The following SDK1 variants were observed in gnomAD, a reference collection of about 807,000 sequenced individuals.
The protein encoded by SDK1 is protein sidekick-1.
SDK1 carries 157 observed loss-of-function variants against 245.5 expected under a neutral mutation model. That is an observed-to-expected ratio of 0.64 (90% CI 0.56 to 0.73). The LOEUF is 0.73. Ranked by LOEUF, SDK1 falls within the 30% of genes least tolerant of loss-of-function variation. The pLI is 0.00. For missense variants in SDK1, 3,583 were observed against 3,002.3 expected (o/e 1.19, Z -4.52); for synonymous variants, 1,647 against 1,278.5 (o/e 1.29, Z -6.15).
At chr7:3,918,492 C>T (rs1002990596) in intron 5 of SDK1, among the ~76,000 whole-genome samples, 5 of 152,200 alleles carry the variant, frequency 3.3e-5, no homozygotes, top group Non-Finnish European at 7.3e-5. Context: ...TGTCTCCCAT[C>T]ACCCCCGGAT....
chr7:3,464,863 A>G (rs1268972333), intron 1 of SDK1, among the ~76,000 whole-genome samples: 1 of 152,162 alleles, frequency 6.6e-6, no homozygotes, highest in Non-Finnish European at 1.5e-5. Context: ...CAATGATATT[A>G]CATGTTAAAT....
intron 7 of SDK1, among the ~76,000 whole-genome samples, chr7:3,952,355 G>T (rs1054565695): frequency 1.3e-5 from 2 of 152,168 alleles, no homozygotes; most frequent in Non-Finnish European, 2.9e-5. Context: ...AAGGTGGGCG[G>T]ATCACTTGAG....
intron 10 of SDK1, among the ~76,000 whole-genome samples, chr7:3,968,848 C>A (rs866620346): frequency 2.0e-5 from 3 of 152,176 alleles, no homozygotes; most frequent in African/African-American, 7.2e-5. Context: ...CTGATATAAA[C>A]ACATACCTGA....
intron 4 of SDK1, among the ~76,000 whole-genome samples, chr7:3,750,660 A>C (rs1370749248): frequency 6.6e-6 from 1 of 152,250 alleles, no homozygotes; most frequent in Non-Finnish European, 1.5e-5. Context: ...GACTGAACTG[A>C]TTTAACTGAG....
chr7:3,576,420 C>T (rs568365909), intron 1 of SDK1, among the ~76,000 whole-genome samples: 1 of 152,170 alleles, frequency 6.6e-6, no homozygotes, highest in Admixed American at 6.5e-5. Flanking sequence ...GTGACTTCCT[C>T]AGGGGAGTCG....
intron 3 of SDK1, among the ~76,000 whole-genome samples, chr7:3,641,280 T>G (rs1165066631): frequency 1.3e-5 from 2 of 152,192 alleles, no homozygotes; most frequent in Non-Finnish European, 2.9e-5. Flanking sequence ...TATTCAAAAT[T>G]TTCAAATGTT....
chr7:3,994,641 C>CAAA (rs58677753), intron 14 of SDK1, among the ~76,000 whole-genome samples: 1 of 89,032 alleles, frequency 1.1e-5, no homozygotes, highest in African/African-American at 3.3e-5. Flanking sequence ...GACTTCATCT[C>CAAA]AAAAAAAAAA....
At chr7:4,031,380 G>A (rs1338299078) in intron 17 of SDK1, among the ~76,000 whole-genome samples, 1 of 152,136 alleles carries the variant, frequency 6.6e-6, no homozygotes, top group East Asian at 1.9e-4. Context: ...AGGGAGGAAA[G>A]GAAAAGTTTA....
At chr7:3,469,229 C>T (rs199777443) in intron 1 of SDK1, among the ~76,000 whole-genome samples, 1 of 152,048 alleles carries the variant, frequency 6.6e-6, no homozygotes, top group Admixed American at 6.6e-5. Context: ...TCGAGACCAG[C>T]CTGGGAAAGA....
Position 3,501,772 on chromosome 7 carries a change from TATG to T in SDK1, c.299-117304_299-117302del, listed in dbSNP as rs553105907. Among the ~76,000 whole-genome samples, 28 of 152,306 alleles carry T rather than the reference TATG, an allele frequency of 1.8e-4. No individual in the cohort carries two copies. The South Asian group carries it at 2.3e-3, about 12-fold the overall frequency. On this transcript the variant is annotated intron_variant, in intron 1 of 44. Transcript: ENST00000404826. ...TGCAGTATTTTGGACTTTTTCCAGT[TATG>T]ATGGACTATCAGTATGTTCTCACAA...
intron 4 of SDK1, among the ~76,000 whole-genome samples, chr7:3,714,794 C>G (rs1485449317): frequency 6.6e-6 from 1 of 152,164 alleles, no homozygotes; most frequent in African/African-American, 2.4e-5. Flanking sequence ...GTTCATTTCC[C>G]ACTTGTGCCA....
chr7:4,013,161 CT>C (rs1786124640), intron 16 of SDK1, among the ~76,000 whole-genome samples: 1 of 152,172 alleles, frequency 6.6e-6, no homozygotes, highest in Admixed American at 6.5e-5. Context: ...AGTGTGCTGT[CT>C]TTGCTTTATA....
At chr7:3,669,835 T>A (rs1334324157) in intron 4 of SDK1, among the ~76,000 whole-genome samples, 1 of 152,234 alleles carries the variant, frequency 6.6e-6, no homozygotes, top group Non-Finnish European at 1.5e-5. Flanking sequence ...AGGTGCTTCA[T>A]ACTCAGTAGG....
intron 14 of SDK1, among the ~76,000 whole-genome samples, chr7:4,001,480 A>T (rs910777057): frequency 1.3e-5 from 2 of 152,214 alleles, no homozygotes; most frequent in African/African-American, 4.8e-5. Context: ...TCTGGAGGCC[A>T]CAGTGCCCTG....
intron 4 of SDK1, among the ~76,000 whole-genome samples, chr7:3,647,488 A>G (rs1017242243): frequency 3.3e-5 from 5 of 152,132 alleles, no homozygotes; most frequent in African/African-American, 1.2e-4. Context: ...TTGAAGTGGC[A>G]TGATCTCAGC....
chr7:3,598,473 T>G (rs1781142769), intron 1 of SDK1, among the ~76,000 whole-genome samples: 1 of 152,202 alleles, frequency 6.6e-6, no homozygotes, highest in Non-Finnish European at 1.5e-5. Flanking sequence ...TGTACCCATG[T>G]AGACTCTCCC....
At chr7:4,232,397 C>CTTTTTTT (rs1785838734) in intron 40 of SDK1, among the ~76,000 whole-genome samples, 2 of 73,906 alleles carry the variant, frequency 2.7e-5, no homozygotes, top group Non-Finnish European at 5.7e-5. Context: ...TTTTTCTTTT[C>CTTTTTTT]TTTTCTTTTC....
chr7:4,227,717 C>T (rs1785524574), intron 40 of SDK1, among the ~76,000 whole-genome samples: 1 of 152,226 alleles, frequency 6.6e-6, no homozygotes. Context: ...GACGTCGGCC[C>T]TAATACCTGC....
chr7:3,947,168 C>G (rs1316937554), intron 5 of SDK1, among the ~76,000 whole-genome samples: 3 of 152,092 alleles, frequency 2.0e-5, no homozygotes, highest in Non-Finnish European at 4.4e-5. Flanking sequence ...TGCATGCACA[C>G]ACACACACAC....
Sources: gnomAD v4.1 joint callset for allele counts (sites outside exome capture counted in the v4.1 genomes callset) on GRCh38, gnomAD v4.1.1 for gene constraint, MANE v1.5 for transcripts, NCBI Gene and HGNC (gene_info 2026-07-23, HGNC 2026-07-21) for gene names.